The following LINGO1 variants were observed in gnomAD, a reference collection of about 807,000 sequenced individuals.
LINGO1 encodes leucine-rich repeat and immunoglobulin-like domain-containing nogo receptor-interacting protein 1.
LINGO1 carries 11 observed loss-of-function variants against 37.3 expected under a neutral mutation model. The observed-to-expected ratio is 0.29, with a 90% CI of 0.19 to 0.49. The LOEUF is 0.49. Ranked by LOEUF, LINGO1 falls within the 20% of genes least tolerant of loss-of-function variation. The pLI is 0.99. For missense variants in LINGO1, 585 were observed against 878.2 expected, an observed-to-expected ratio of 0.67 and a Z score of 4.22; for synonymous variants, 387 against 403.0, an observed-to-expected ratio of 0.96 and a Z score of 0.48.
At chr15:77,640,330 C>T (rs1294153001) in intron 3 of LINGO1, among the ~76,000 whole-genome samples, 1 of 152,116 alleles carries the variant, frequency 6.6e-6, no homozygotes, top group African/African-American at 2.4e-5. Flanking sequence ...CGAGAGAAGG[C>T]GTAAATAAGA....
chr15:77,685,938 G>A lies in LINGO1; in HGVS notation c.-99+4782C>T, dbSNP rs948349149. On this transcript the variant is annotated intron_variant, in intron 2 of 3. Transcript: ENST00000559893. ...AGCAATGCAGGAGGCAGAGCCCCAC[G>A]ATCCTGAGCAGGTCCCTACTGTCCT... 9.2e-5 allele frequency among the ~76,000 whole-genome samples: 14 copies of A among 152,282 alleles called. No homozygotes were observed. In the East Asian group the frequency reaches 2.5e-3, roughly 27 times the overall value.
At chr15:77,774,589 G>A (rs2141409710) in intron 1 of LINGO1, among the ~76,000 whole-genome samples, 1 of 152,230 alleles carries the variant, frequency 6.6e-6, no homozygotes, top group East Asian at 1.9e-4. Flanking sequence ...AGCAGGGCAT[G>A]AGCCCAGTGG....
chr15:77,684,358 T>C (rs1359229224), intron 2 of LINGO1, among the ~76,000 whole-genome samples: 1 of 152,346 alleles, frequency 6.6e-6, no homozygotes, highest in East Asian at 1.9e-4. Flanking sequence ...GTTACATGAC[T>C]TGCTCAAGCT....
At chr15:77,640,454 A>G (rs758874066) in intron 3 of LINGO1, among the ~76,000 whole-genome samples, 5 of 152,236 alleles carry the variant, frequency 3.3e-5, no homozygotes, top group Non-Finnish European at 5.9e-5. Flanking sequence ...GCTAGGCCAC[A>G]TACTAGGTGC....
intron 2 of LINGO1, among the ~76,000 whole-genome samples, chr15:77,714,203 A>G (rs2075955449): frequency 6.6e-6 from 1 of 152,006 alleles, no homozygotes; most frequent in South Asian, 2.1e-4. Context: ...TGCCTTCTCC[A>G]TGACCTTCTC....
intron 2 of LINGO1, among the ~76,000 whole-genome samples, chr15:77,679,794 C>A (rs1205945221): frequency 6.6e-6 from 1 of 152,216 alleles, no homozygotes; most frequent in Non-Finnish European, 1.5e-5. Flanking sequence ...TAGAATCCAT[C>A]CTCTTCTTCA....
chr15:77,725,367 G>A (rs1227450939), intron 2 of LINGO1, among the ~76,000 whole-genome samples: 1 of 152,174 alleles, frequency 6.6e-6, no homozygotes, highest in Non-Finnish European at 1.5e-5. Flanking sequence ...AACAGCCTGG[G>A]AAACATATCG....
chr15:77,614,971 C>G lies in LINGO1; in HGVS notation c.936G>C (p.Arg312=), dbSNP rs1237650992. The change falls in exon 2 of 2, where the codon CGG becomes CGC. Residue 312 remains arginine (R), a synonymous_variant. Transcript: ENST00000355300. The stretch of plus-strand genomic sequence containing the variant: ...CGCCCACCAGCTGGATCTCCTGCAG[C>G]CGGAGCAGCTCATGCAACATGGAGC... ...IEGSMLHELL[R]LQEIQLVGGQ... is the part of the protein sequence containing the mutation. 5 of 1,613,932 alleles carry G rather than the reference C, an allele frequency of 3.1e-6. No homozygotes were observed. Among genetic ancestry groups the G allele is most frequent in the Middle Eastern group, 3.3e-4 (2 of 6,060 alleles).
chr15:77,668,490 G>A (rs894451154), intron 3 of LINGO1, among the ~76,000 whole-genome samples: 5 of 152,094 alleles, frequency 3.3e-5, no homozygotes, highest in Admixed American at 6.5e-5. Context: ...CCCTTCATCC[G>A]CTGAGAGAAT....
In LINGO1 at chr15:77,614,420, A is replaced by G; in HGVS notation, c.1487T>C (p.Leu496Pro). Reference protein sequence around the residue: ...YAQVQDNGTYLCIAANAGGND... With the variant: ...YAQVQDNGTYPCIAANAGGND... ...GCCGCCCGCGTTGGCCGCGATGCAC[A>G]GGTACGTGCCGTTGTCCTGTACCTG... Residue 496 changes from leucine (L) to proline (P), a missense_variant, in exon 2 of 2, where the codon CTG becomes CCG. Coordinates refer to ENST00000355300, the MANE Select transcript of LINGO1 (RefSeq NM_032808.7). The G allele has an allele frequency of 6.2e-7, 1 of 1,612,518 alleles. No homozygotes were observed. Among genetic ancestry groups the G allele is most frequent in the Non-Finnish European group, 8.5e-7 (1 of 1,179,800 alleles).
chr15:77,811,074 C>A (rs540008938), intron 1 of LINGO1, among the ~76,000 whole-genome samples: 1 of 150,590 alleles, frequency 6.6e-6, no homozygotes, highest in Non-Finnish European at 1.5e-5. Flanking sequence ...AACACCCCCC[C>A]ACCCCAATTC....
At chr15:77,726,815 A>G (rs2076106680) in intron 2 of LINGO1, among the ~76,000 whole-genome samples, 1 of 152,266 alleles carries the variant, frequency 6.6e-6, no homozygotes, top group Admixed American at 6.5e-5. Flanking sequence ...AGCAACCTAC[A>G]GAATGGGAGG....
At chr15:77,756,261 A>G (rs905013491) in intron 1 of LINGO1, among the ~76,000 whole-genome samples, 1 of 152,176 alleles carries the variant, frequency 6.6e-6, no homozygotes, top group Non-Finnish European at 1.5e-5. Flanking sequence ...ACAATGCTTT[A>G]CAGTTATGGA....
intron 2 of LINGO1, among the ~76,000 whole-genome samples, chr15:77,703,309 A>C (rs2075807919): frequency 6.6e-6 from 1 of 152,198 alleles, no homozygotes; most frequent in Non-Finnish European, 1.5e-5. Context: ...CCAAGAGAAC[A>C]GCTGGTATAG....
At chr15:77,739,210 C>T (rs560499818) in intron 1 of LINGO1, among the ~76,000 whole-genome samples, 9 of 152,358 alleles carry the variant, frequency 5.9e-5, no homozygotes, top group African/African-American at 2.2e-4. Flanking sequence ...TAATTGTGTT[C>T]GCAGCGGAAA....
At chr15:77,675,183 T>C (rs755035858) in intron 3 of LINGO1, among the ~76,000 whole-genome samples, 45 of 152,182 alleles carry the variant, frequency 3.0e-4, no homozygotes, top group Non-Finnish European at 6.2e-4. Context: ...TGTAGGAGCA[T>C]AAATCAGCTC....
chr15:77,807,186 C>T (rs2076967306), intron 1 of LINGO1, among the ~76,000 whole-genome samples: 1 of 152,254 alleles, frequency 6.6e-6, no homozygotes, highest in Non-Finnish European at 1.5e-5. Flanking sequence ...TCCCCGAGTA[C>T]CCCGGCATGC....
At chr15:77,685,411 T>C (rs1331008669) in intron 2 of LINGO1, among the ~76,000 whole-genome samples, 3 of 152,150 alleles carry the variant, frequency 2.0e-5, no homozygotes, top group Admixed American at 1.3e-4. Context: ...CAGTGGTTTA[T>C]GGCACCAGGA....
At chr15:77,681,583 T>A (rs745962520) in intron 2 of LINGO1, among the ~76,000 whole-genome samples, 1 of 152,230 alleles carries the variant, frequency 6.6e-6, no homozygotes, top group Non-Finnish European at 1.5e-5. Flanking sequence ...AGTCCCTGAA[T>A]GCAACATGAA....
Sources: gnomAD v4.1 joint callset for allele counts (sites outside exome capture counted in the v4.1 genomes callset) on GRCh38, gnomAD v4.1.1 for gene constraint, MANE v1.5 for transcripts, NCBI Gene and HGNC (gene_info 2026-07-23, HGNC 2026-07-21) for gene names.